The following INVS variants were observed in gnomAD, a reference collection of about 807,000 sequenced individuals.
INVS encodes inversion of embryo turning homolog.
INVS carries 86 observed loss-of-function variants against 108.8 expected under a neutral mutation model. The ratio of observed to expected loss-of-function variants is 0.79; its 90% CI spans 0.66 to 0.95. The LOEUF is 0.95. INVS is among the 40% of genes least tolerant of loss of function. INVS has a pLI of 0.00. For missense variants in INVS, 1,169 were observed against 1,297.4 expected, an observed-to-expected ratio of 0.90 and a Z score of 1.52; for synonymous variants, 455 against 473.5, an observed-to-expected ratio of 0.96 and a Z score of 0.51.
At chr9:100,112,945 T>C (rs147687875) in intron 2 of INVS, among the ~76,000 whole-genome samples, 64 of 152,338 alleles carry the variant, frequency 4.2e-4, no homozygotes, top group African/African-American at 1.4e-3. Flanking sequence ...ATCTTGCTAA[T>C]ACTAGCTACT....
At chr9:100,298,319 C>T in intron 16 of INVS, 3 of 1,252,884 alleles carry the variant, frequency 2.4e-6, no homozygotes, top group Non-Finnish European at 2.0e-6. Context: ...AAAGGAATAC[C>T]TTGGGAATCC....
Position 100,272,955 on chromosome 9 carries a change from C to G in INVS, c.1663C>G (p.Gln555Glu). 6.2e-7 allele frequency: 1 copy of G among 1,614,082 alleles called. No individual in the cohort carries two copies. The highest frequency in any genetic ancestry group is 8.5e-7 in the Non-Finnish European group (1 of 1,179,990). The change falls in exon 12 of 17, where the codon CAA (glutamine) becomes GAA (glutamate). Residue 555 changes from glutamine to glutamate, a missense_variant. Physicochemically the swap from Gln to Glu is conservative, Grantham distance 29 (BLOSUM62 2). This residue lies in a region of INVS where 271 missense variants were observed against 363.8 expected (regional missense o/e 0.74). Transcript: ENST00000262457. ...EHGALSIAAI[Q>E]DIAAFKIQAV... is the part of the protein sequence containing the mutation. ...CGGTGCCCTGTCCATCGCAGCCATA[C>G]AAGACATCGCCGCCTTCAAAATCCA...
Position 100,284,546 on chromosome 9 carries a change from C to T in INVS, c.2011C>T (p.Gln671Ter), listed in dbSNP as rs1374754304. The T allele has an allele frequency of 5.0e-6, 8 of 1,613,916 alleles. No homozygotes were observed. The highest frequency in any genetic ancestry group is 1.1e-5 in the South Asian group (1 of 91,048). Residue 671 changes from glutamine to a stop codon, truncating the protein, a stop_gained, in exon 13 of 17, where the codon CAG (glutamine) becomes TAG (stop). Transcript: ENST00000262457. LOFTEE classifies it high-confidence loss of function. ...AGGAGGGTCTCTAGGCGGAGCCCTC[C>T]AGAAGGAGCAGCATGTTTCCTCAGA... ...SPGGSLGGALQKEQHVSSDLQ... is the reference protein window; with the variant it reads ...SPGGSLGGAL
intron 3 of INVS, among the ~76,000 whole-genome samples, chr9:100,190,685 T>G (rs759964811): frequency 1.3e-5 from 2 of 152,204 alleles, no homozygotes; most frequent in Non-Finnish European, 2.9e-5. Flanking sequence ...AGGCTAAAGA[T>G]AGGACCCTAA....
chr9:100,234,448 T>C (rs889886326), intron 5 of INVS, among the ~76,000 whole-genome samples: 1 of 152,186 alleles, frequency 6.6e-6, no homozygotes, highest in Non-Finnish European at 1.5e-5. Context: ...TTGTTTTAAT[T>C]GTGATGTTAG....
intron 5 of INVS, among the ~76,000 whole-genome samples, chr9:100,236,942 G>C (rs1345626466): frequency 1.3e-5 from 2 of 152,222 alleles, no homozygotes; most frequent in African/African-American, 4.8e-5. Flanking sequence ...ATTTAAGTCT[G>C]CTGAAGCTGT....
chr9:100,219,818 G>A (rs1202337691), intron 3 of INVS, among the ~76,000 whole-genome samples: 4 of 151,882 alleles, frequency 2.6e-5, no homozygotes, highest in African/African-American at 7.3e-5. Flanking sequence ...AAAATGACAC[G>A]ATTCATGCAA....
chr9:100,132,241 GAAT>G (rs1488159503), intron 3 of INVS, among the ~76,000 whole-genome samples: 2 of 151,972 alleles, frequency 1.3e-5, no homozygotes, highest in Non-Finnish European at 2.9e-5. Flanking sequence ...ATGAATGAAT[GAAT>G]GAATGAATGA....
chr9:100,144,496 T>C (rs2118959325), intron 3 of INVS, among the ~76,000 whole-genome samples: 1 of 151,982 alleles, frequency 6.6e-6, no homozygotes, highest in African/African-American at 2.4e-5. Context: ...CTGGGCTGGG[T>C]TTTTCATATT....
intron 13 of INVS, among the ~76,000 whole-genome samples, chr9:100,287,220 A>G (rs1833471687): frequency 6.6e-6 from 1 of 152,218 alleles, no homozygotes. Context: ...TTCATCCTCC[A>G]GTAGACTAGA....
chr9:100,202,524 A>T (rs1256560735), intron 3 of INVS, among the ~76,000 whole-genome samples: 1 of 152,164 alleles, frequency 6.6e-6, no homozygotes, highest in Non-Finnish European at 1.5e-5. Flanking sequence ...ATTTCCTATC[A>T]AATCCTAAAT....
chr9:100,104,841 T>C (rs1433316993), intron 2 of INVS, among the ~76,000 whole-genome samples: 1 of 152,226 alleles, frequency 6.6e-6, no homozygotes, highest in Non-Finnish European at 1.5e-5. Context: ...GAGAAATTTC[T>C]ATGTATTTAG....
rs1190297353 is a variant in INVS, at chr9:100,226,253, T to C, written c.447+18T>C. ...AAAACAAGGTAATGGATACTCAAAA[T>C]CAAAGACTAATAAGACCAGAAAGCA... On this transcript the variant is annotated intron_variant, in intron 4 of 16. Transcript: ENST00000262457. 8.7e-6 allele frequency: 14 copies of C among 1,608,916 alleles called. No homozygotes were observed. The highest frequency in any genetic ancestry group is 5.4e-5 in the African/African-American group (4 of 74,762).
chr9:100,109,606 G>T (rs957423523), intron 2 of INVS, among the ~76,000 whole-genome samples: 1 of 152,142 alleles, frequency 6.6e-6, no homozygotes, highest in Non-Finnish European at 1.5e-5. Flanking sequence ...TACAACTTTT[G>T]TTTCACTGTC....
intron 10 of INVS, among the ~76,000 whole-genome samples, chr9:100,263,126 C>G (rs564676815): frequency 1.3e-5 from 2 of 151,952 alleles, no homozygotes; most frequent in African/African-American, 4.8e-5. Flanking sequence ...TTTCTATTTC[C>G]TAATTTCTAT....
intron 13 of INVS, among the ~76,000 whole-genome samples, chr9:100,286,490 G>A (rs1031129645): frequency 5.9e-5 from 9 of 152,172 alleles, no homozygotes; most frequent in African/African-American, 9.7e-5. Flanking sequence ...GCAGTGAACC[G>A]AGATTGCGTC....
At chr9:100,262,662 CTT>C (rs1278094828) in intron 10 of INVS, among the ~76,000 whole-genome samples, 13 of 115,864 alleles carry the variant, frequency 1.1e-4, no homozygotes, top group African/African-American at 4.3e-4. Context: ...AAAAAAAAAA[CTT>C]GATATTCATC....
chr9:100,292,713 T>C lies in INVS; in HGVS notation c.2456T>C (p.Val819Ala), dbSNP rs1353618130. 1 of 1,613,962 alleles carries C rather than the reference T, an allele frequency of 6.2e-7. No individual in the cohort carries two copies. Among genetic ancestry groups the C allele is most frequent in the South Asian group, 1.1e-5 (1 of 91,056 alleles). ...CCTGGCAGTGCCCGGGGGGAGGCGG[T>C]CCATGCTGGGCAGAATCCTCCCCAC... is the stretch of plus-strand genomic sequence containing the variant. ...SRPGSARGEA[V>A]HAGQNPPHHR... Residue 819 changes from valine to alanine, a missense_variant, in exon 14 of 17, where the codon GTC (valine) becomes GCC (alanine). Val to Ala is a moderately conservative substitution (Grantham distance 64). Transcript: ENST00000262457.
chr9:100,198,453 C>T (rs905137818), intron 3 of INVS, among the ~76,000 whole-genome samples: 7 of 150,086 alleles, frequency 4.7e-5, no homozygotes, highest in African/African-American at 1.7e-4. Flanking sequence ...CACCAGGTCC[C>T]GCTAATTTTG....
Sources: gnomAD v4.1 joint callset for allele counts (sites outside exome capture counted in the v4.1 genomes callset) on GRCh38, gnomAD v4.1.1 for gene constraint, gnomAD v4.1.1 regional missense constraint, MANE v1.5 for transcripts, NCBI Gene and HGNC (gene_info 2026-07-23, HGNC 2026-07-21) for gene names.